Variants in PMEPA1 observed in about 807,000 individuals in gnomAD.
PMEPA1 encodes the protein protein TMEPAI.
In PMEPA1, 11 loss-of-function variants were observed where a neutral mutation model predicts 23.0. The ratio of observed to expected loss-of-function variants is 0.48; its 90% CI spans 0.30 to 0.79. The LOEUF (loss-of-function observed/expected upper bound fraction) is 0.79. Among genes scored for constraint, PMEPA1 ranks in the 30% least tolerant of loss-of-function variants. PMEPA1 has a pLI of 0.06. For synonymous variants in PMEPA1, 204 were observed against 166.4 expected (o/e 1.23, Z -1.74); for missense variants, 377 against 390.9 (o/e 0.96, Z 0.30).
At chr20:57,686,375 A>G (rs543158349) in intron 1 of PMEPA1, among the ~76,000 whole-genome samples, 7 of 152,202 alleles carry the variant, frequency 4.6e-5, no homozygotes, top group Admixed American at 1.3e-4. Context: ...CTTCTATATG[A>G]GACTGGTCTG....
chr20:57,671,516 A>C (rs1046105508), intron 1 of PMEPA1, among the ~76,000 whole-genome samples: 2 of 152,192 alleles, frequency 1.3e-5, no homozygotes, highest in Non-Finnish European at 2.9e-5. Flanking sequence ...AGAAGGGCCC[A>C]AAACGTATAT....
intron 1 of PMEPA1, among the ~76,000 whole-genome samples, chr20:57,690,961 T>C (rs2071874551): frequency 6.6e-6 from 1 of 152,172 alleles, no homozygotes; most frequent in South Asian, 2.1e-4. Context: ...GGATCCCGCT[T>C]ACAAGGCTAC....
chr20:57,710,150 G>A (rs1271655888), upstream of PMEPA1: 2 of 647,716 alleles, frequency 3.1e-6, no homozygotes, highest in African/African-American at 1.9e-5. Context: ...AACGGGGCGG[G>A]CTCTTAAAGG....
intron 1 of PMEPA1, among the ~76,000 whole-genome samples, chr20:57,660,396 C>T (rs980911499): frequency 8.6e-5 from 13 of 151,468 alleles, no homozygotes; most frequent in Non-Finnish European, 1.5e-4. Context: ...TACACGTCAA[C>T]ACCAACACAC....
At chr20:57,674,945 T>C (rs1377590345) in intron 1 of PMEPA1, among the ~76,000 whole-genome samples, 2 of 152,226 alleles carry the variant, frequency 1.3e-5, no homozygotes, top group East Asian at 3.8e-4. Flanking sequence ...ATACGAGGAA[T>C]AGCTTGGAAT....
chr20:57,652,773 G>A lies in PMEPA1; in HGVS notation c.319-175C>T, dbSNP rs1270003997. 6.6e-6 allele frequency among the ~76,000 whole-genome samples: 1 copy of A among 152,124 alleles called. No homozygotes were observed. Among genetic ancestry groups the A allele is most frequent in the African/African-American group, 2.4e-5 (1 of 41,430 alleles). ...CCTGATCCCGCGGGGGCCCTGGCCT[G>A]GGGGGCAGCACTGCAGAGCTGCACC... On this transcript the variant is annotated intron_variant, in intron 3 of 3. Transcript: ENST00000341744. The surrounding 1 kb of genome is among the most constrained non-coding windows in gnomAD (Gnocchi z 6.1).
Position 57,655,269 on chromosome 20 carries a change from C to T in PMEPA1, c.265-2183G>A, listed in dbSNP as rs1461673320. ...CTTTGACTGGCCCCTCAAGCCTCTGCCCAGGTGTGCTAACCCCAGAGCTCT... is the reference window on the plus strand; with the variant it reads ...CTTTGACTGGCCCCTCAAGCCTCTGTCCAGGTGTGCTAACCCCAGAGCTCT... On this transcript the variant is annotated intron_variant, in intron 2 of 3. Coordinates refer to ENST00000341744, the MANE Select transcript of PMEPA1 (RefSeq NM_020182.5). This position sits in a 1 kb window ranked among gnomAD's most constrained non-coding sequence, Gnocchi z 4.2. 3.9e-5 allele frequency among the ~76,000 whole-genome samples: 6 copies of T among 152,138 alleles called. No individual in the cohort carries two copies. Among genetic ancestry groups the T allele is most frequent in the Non-Finnish European group, 7.4e-5 (5 of 68,026 alleles).
At chr20:57,690,400 G>A in intron 1 of PMEPA1, 1 of 1,296,512 alleles carries the variant, frequency 7.7e-7, no homozygotes, top group Non-Finnish European at 1.0e-6. Context: ...TTACCTCCAT[G>A]TGCTGGAATT....
intron 2 of PMEPA1, among the ~76,000 whole-genome samples, chr20:57,658,881 C>G (rs567388860): frequency 1.3e-5 from 2 of 152,208 alleles, no homozygotes; most frequent in Non-Finnish European, 2.9e-5. Context: ...CCACCACTAC[C>G]CCGGTGGGTA....
intron 1 of PMEPA1, among the ~76,000 whole-genome samples, chr20:57,677,586 A>G (rs1379808075): frequency 1.3e-5 from 2 of 152,228 alleles, no homozygotes; most frequent in African/African-American, 4.8e-5. Context: ...GCCAGAGACC[A>G]GAGGAGGGCA....
At chr20:57,690,250 G>A (rs1401352919) in intron 1 of PMEPA1, 3 of 435,330 alleles carry the variant, frequency 6.9e-6, no homozygotes, top group African/African-American at 6.2e-5. Flanking sequence ...TCTTAGCGAA[G>A]AGACGCTGGG....
At chr20:57,661,984 TC>T (rs1380591417) in intron 1 of PMEPA1, among the ~76,000 whole-genome samples, 184 of 151,272 alleles carry the variant, frequency 1.2e-3, no homozygotes, top group African/African-American at 4.1e-3. Flanking sequence ...TGGGGCCGCG[TC>T]TGCACCCAGG....
intron 1 of PMEPA1, among the ~76,000 whole-genome samples, chr20:57,692,325 T>G (rs533425749): frequency 4.2e-4 from 64 of 152,318 alleles, no homozygotes; most frequent in African/African-American, 1.3e-3. Context: ...TCCCCTGGAC[T>G]TGGGCAGCTG....
At chr20:57,702,776 GT>G (rs2072029931) in intron 1 of PMEPA1, among the ~76,000 whole-genome samples, 1 of 152,204 alleles carries the variant, frequency 6.6e-6, no homozygotes, top group South Asian at 2.1e-4. Context: ...TCTCAGGGTT[GT>G]TTTGAACACT....
chr20:57,680,348 T>C (rs1600653383), intron 1 of PMEPA1, among the ~76,000 whole-genome samples: 2 of 152,312 alleles, frequency 1.3e-5, no homozygotes, highest in East Asian at 3.9e-4. Context: ...CTACCGGAGA[T>C]GATTTTGCCC....
At position 57,649,381 on chromosome 20, in the gene PMEPA1, C is replaced by G. The variant is rs2071191503; in HGVS notation, c.*2672G>C. The G allele has an allele frequency of 6.6e-6, 1 of 152,228 alleles. No individual in the cohort carries two copies. The highest frequency in any genetic ancestry group is 2.1e-4 in the South Asian group (1 of 4,826). 9.4% of individuals were successfully genotyped at this position (152,228 alleles called of 1,614,324 possible). A position where few individuals can be genotyped will look rare whatever the true frequency, so the allele number is the denominator to read the frequency against. On this transcript the variant is annotated 3_prime_UTR_variant, in exon 4 of 4. Coordinates refer to ENST00000341744, the MANE Select transcript of PMEPA1 (RefSeq NM_020182.5). The stretch of plus-strand genomic sequence containing the variant: ...CGCCCAGCCTTTGAGAGGCCACTAC[C>G]CCATGAACTTCTGCCATCCACTGGA...
chr20:57,690,662 C>T, intron 1 of PMEPA1: 1 of 991,724 alleles, frequency 1.0e-6, no homozygotes, highest in Admixed American at 3.5e-5. Context: ...CCTGCTTGGG[C>T]TCTGTCCTGG....
intron 1 of PMEPA1, among the ~76,000 whole-genome samples, chr20:57,686,361 G>A (rs1227079243): frequency 6.6e-6 from 1 of 152,148 alleles, no homozygotes; most frequent in Non-Finnish European, 1.5e-5. Context: ...CCTGCTCATG[G>A]CAGCTTCTAT....
rs949784454 is a variant in PMEPA1, at chr20:57,648,576, A to G, written c.*3477T>C. 49 of 152,604 alleles carry G rather than the reference A, an allele frequency of 3.2e-4. No individual in the cohort carries two copies. Among genetic ancestry groups the G allele is most frequent in the African/African-American group, 1.1e-3 (46 of 41,448 alleles). 9.5% of individuals were successfully genotyped at this position (152,604 alleles called of 1,614,324 possible). A position where few individuals can be genotyped will look rare whatever the true frequency, so the allele number is the denominator to read the frequency against. ...GCCCCGCATGCCACGGAAAGCTTACATAAGTTTAACTTGAACAGAGCTTGG... is the reference window on the plus strand; with the variant it reads ...GCCCCGCATGCCACGGAAAGCTTACGTAAGTTTAACTTGAACAGAGCTTGG... On this transcript the variant is annotated 3_prime_UTR_variant, in exon 4 of 4. Transcript: ENST00000341744.
Sources: allele counts gnomAD v4.1 joint callset (sites outside exome capture counted in the v4.1 genomes callset), GRCh38; gene constraint gnomAD v4.1.1; non-coding constraint Gnocchi (gnomAD v3.1); transcripts MANE v1.5; gene names NCBI Gene and HGNC (gene_info 2026-07-23, HGNC 2026-07-21).